The following DLEU7 variants were observed in gnomAD, a reference collection of about 807,000 sequenced individuals.
DLEU7 encodes the protein deleted in lymphocytic leukemia 7.
Under a neutral mutation model 16.0 loss-of-function variants are expected in DLEU7, and 17 were observed. The observed-to-expected ratio is 1.06, with a 90% confidence interval of 0.73 to 1.59. DLEU7 has a LOEUF of 1.59. DLEU7 is among the 40% of genes most tolerant of loss of function. The pLI is 0.00. For missense variants in DLEU7, 308 were observed against 314.9 expected (o/e 0.98, Z 0.17); for synonymous variants, 113 against 139.8 (o/e 0.81, Z 1.35).
At chr13:50,792,274 C>G (rs565406513) in intron 1 of DLEU7, among the ~76,000 whole-genome samples, 6 of 152,270 alleles carry the variant, frequency 3.9e-5, no homozygotes, top group Admixed American at 3.3e-4. Context: ...ATTGAATTAT[C>G]AAATAATTCA....
chr13:50,754,247 C>T (rs2137737706), intron 1 of DLEU7, among the ~76,000 whole-genome samples: 1 of 152,272 alleles, frequency 6.6e-6, no homozygotes, highest in Admixed American at 6.5e-5. Context: ...TCTTGACGAC[C>T]TGTCTAGTGC....
intron 1 of DLEU7, among the ~76,000 whole-genome samples, chr13:50,770,700 C>T (rs1294183575): frequency 6.6e-6 from 1 of 152,110 alleles, no homozygotes; most frequent in African/African-American, 2.4e-5. Context: ...ATTTTCGCAT[C>T]GATGTTCATC....
intron 1 of DLEU7, among the ~76,000 whole-genome samples, chr13:50,724,337 T>C (rs1488875502): frequency 6.6e-6 from 1 of 152,206 alleles, no homozygotes; most frequent in African/African-American, 2.4e-5. Flanking sequence ...ATTACTTTTT[T>C]CTTTTGTGAA....
chr13:50,713,927 C>T (rs1873365875), intron 1 of DLEU7, among the ~76,000 whole-genome samples: 1 of 152,234 alleles, frequency 6.6e-6, no homozygotes, highest in South Asian at 2.1e-4. Context: ...CGCATGTGGC[C>T]TCCCGGACCG....
At chr13:50,801,379 A>C (rs758964729) in intron 1 of DLEU7, among the ~76,000 whole-genome samples, 2 of 152,128 alleles carry the variant, frequency 1.3e-5, no homozygotes, top group Admixed American at 6.6e-5. Flanking sequence ...CTTTAGCAGC[A>C]CGGAGCTGTT....
chr13:50,725,034 A>G (rs745336526), intron 1 of DLEU7, among the ~76,000 whole-genome samples: 2 of 152,128 alleles, frequency 1.3e-5, no homozygotes, highest in African/African-American at 2.4e-5. Context: ...GCTAATATCA[A>G]TAGCCCATGG....
chr13:50,724,021 C>A (rs1873695694), intron 1 of DLEU7, among the ~76,000 whole-genome samples: 1 of 151,836 alleles, frequency 6.6e-6, no homozygotes, highest in Non-Finnish European at 1.5e-5. Flanking sequence ...GTTTTATTCA[C>A]TGAGCATGTA....
At chr13:50,782,644 G>A (rs1338944490) in intron 1 of DLEU7, among the ~76,000 whole-genome samples, 1 of 151,932 alleles carries the variant, frequency 6.6e-6, no homozygotes. Context: ...AATAGCCCTA[G>A]TTTCCATATA....
At chr13:50,791,710 A>C (rs1875964054) in intron 1 of DLEU7, among the ~76,000 whole-genome samples, 1 of 152,220 alleles carries the variant, frequency 6.6e-6, no homozygotes, top group Non-Finnish European at 1.5e-5. Context: ...AATTGGCCTG[A>C]ATGTAAACAT....
At chr13:50,836,848 C>G (rs1034840532) in intron 1 of DLEU7, among the ~76,000 whole-genome samples, 1 of 152,140 alleles carries the variant, frequency 6.6e-6, no homozygotes, top group Admixed American at 6.5e-5. Context: ...TTCTCCAGAC[C>G]CATTAGCACC....
Position 50,794,027 on chromosome 13 carries a change from A to G in DLEU7, c.459+49161T>C, listed in dbSNP as rs909495248. Reference sequence around the variant, plus strand: ...TAATCCATCTTGAGTTAATTTTTGTATATGGTGGTAGGTAGATGTGCAGTT... The same window carrying G: ...TAATCCATCTTGAGTTAATTTTTGTGTATGGTGGTAGGTAGATGTGCAGTT... On this transcript the variant is annotated intron_variant, in intron 1 of 1. Coordinates refer to the DLEU7 transcript ENST00000400393. Among the ~76,000 whole-genome samples the G allele has an allele frequency of 2.0e-5, 3 of 152,262 alleles. No individual in the cohort carries two copies. In the East Asian group the frequency reaches 5.8e-4, roughly 29 times the overall value.
Position 50,843,425 on chromosome 13 carries a change from G to A in DLEU7, c.222C>T (p.Thr74=). The A allele has an allele frequency of 1.5e-6, 2 of 1,323,944 alleles. No individual in the cohort carries two copies. Among genetic ancestry groups the A allele is most frequent in the Non-Finnish European group, 1.9e-6 (2 of 1,042,474 alleles). 82.0% of individuals were successfully genotyped at this position (1,323,944 alleles called of 1,614,324 possible). A position where few individuals can be genotyped will look rare whatever the true frequency, so the allele number is the denominator to read the frequency against. The part of the protein sequence containing the change: ...GREERGGGVG[T]RSRRTAARAN... Reference sequence around the variant, plus strand: ...CCCGCGCCGCGGTCCGCCGACTCCTGGTCCCCACGCCCCCGCCCCGCTCCT... The same window carrying A: ...CCCGCGCCGCGGTCCGCCGACTCCTAGTCCCCACGCCCCCGCCCCGCTCCT... Residue 74 remains threonine, a synonymous_variant, in exon 1 of 2, where the codon ACC becomes ACT. Transcript: ENST00000504404. This position sits in a 1 kb window ranked among gnomAD's most constrained non-coding sequence, Gnocchi z 5.7.
chr13:50,812,069 C>CAA (rs35178818), intron 1 of DLEU7, among the ~76,000 whole-genome samples: 4,295 of 104,074 alleles, frequency 0.041, 222 homozygotes, highest in Middle Eastern at 0.059. Context: ...GATTCCATCT[C>CAA]AAAAAAAAAA....
intron 1 of DLEU7, among the ~76,000 whole-genome samples, chr13:50,738,981 ACACACACACACACACACACACACG>A (rs1176430545): frequency 3.8e-5 from 5 of 129,884 alleles, no homozygotes; most frequent in African/African-American, 3.7e-5. Context: ...ACACACACAC[ACACACACACACACACACACACACG>A]CACACACACA....
chr13:50,784,575 T>C (rs1593394595), intron 1 of DLEU7, among the ~76,000 whole-genome samples: 1 of 152,164 alleles, frequency 6.6e-6, no homozygotes, highest in Non-Finnish European at 1.5e-5. Flanking sequence ...TCAGGAGAAG[T>C]GTTCAAGTGC....
At chr13:50,754,739 T>G (rs1874701053) in intron 1 of DLEU7, among the ~76,000 whole-genome samples, 1 of 152,130 alleles carries the variant, frequency 6.6e-6, no homozygotes, top group Non-Finnish European at 1.5e-5. Flanking sequence ...TGTACCTTGG[T>G]TTTTTTGTTT....
chr13:50,764,352 A>G (rs1289258035), intron 1 of DLEU7, among the ~76,000 whole-genome samples: 1 of 152,202 alleles, frequency 6.6e-6, no homozygotes, highest in Non-Finnish European at 1.5e-5. Context: ...CTGAAAAATA[A>G]TATAGTTCCA....
downstream of DLEU7, among the ~76,000 whole-genome samples, chr13:50,819,875 G>C (rs1183429488): frequency 3.9e-5 from 6 of 152,142 alleles, no homozygotes; most frequent in African/African-American, 1.4e-4. Context: ...TTAGTGAATA[G>C]CCAGTATTGT....
intron 1 of DLEU7, among the ~76,000 whole-genome samples, chr13:50,781,190 G>T (rs1156832422): frequency 6.6e-6 from 1 of 152,184 alleles, no homozygotes; most frequent in Non-Finnish European, 1.5e-5. Flanking sequence ...TAATTGTTGA[G>T]AATCTCAAAG....
Sources: gnomAD v4.1 joint callset for allele counts (sites outside exome capture counted in the v4.1 genomes callset) on GRCh38, gnomAD v4.1.1 for gene constraint, Gnocchi (gnomAD v3.1) non-coding constraint, MANE v1.5 for transcripts, NCBI Gene and HGNC (gene_info 2026-07-23, HGNC 2026-07-21) for gene names.